ANKRD28: variants seen among roughly 807,000 people sequenced by gnomAD.
ANKRD28 encodes serine/threonine-protein phosphatase 6 regulatory ankyrin repeat subunit A.
Under a neutral mutation model 126.5 loss-of-function variants are expected in ANKRD28, and 44 were observed. The ratio of observed to expected loss-of-function variants is 0.35; its 90% confidence interval spans 0.27 to 0.45. The LOEUF (loss-of-function observed/expected upper bound fraction) is 0.45, where lower values mean the gene tolerates loss of function less well. Among genes scored for constraint, ANKRD28 ranks in the 20% least tolerant of loss-of-function variants. The pLI is 1.00. For synonymous variants in ANKRD28, 442 were observed against 468.5 expected, an observed-to-expected ratio of 0.94 and a Z score of 0.73; for missense variants, 1,110 against 1,316.6, an observed-to-expected ratio of 0.84 and a Z score of 2.43.
At chr3:15,775,775 A>G (rs915655037) in intron 2 of ANKRD28, among the ~76,000 whole-genome samples, 3 of 152,198 alleles carry the variant, frequency 2.0e-5, no homozygotes, top group Admixed American at 6.5e-5. Flanking sequence ...ACCCTCCAGG[A>G]ACTGCCACAT....
intron 7 of ANKRD28, among the ~76,000 whole-genome samples, chr3:15,723,501 A>G (rs2073934046): frequency 6.6e-6 from 1 of 152,220 alleles, no homozygotes. Flanking sequence ...AAGAATAAAT[A>G]CGCTGAGTGG....
intron 8 of ANKRD28, among the ~76,000 whole-genome samples, chr3:15,718,062 T>C (rs879372466): frequency 6.6e-6 from 1 of 152,104 alleles, no homozygotes; most frequent in Non-Finnish European, 1.5e-5. Flanking sequence ...CCATAGTCAA[T>C]CAATAACTTA....
At chr3:15,822,386 A>G (rs1206950733) in intron 1 of ANKRD28, among the ~76,000 whole-genome samples, 2 of 152,240 alleles carry the variant, frequency 1.3e-5, no homozygotes, top group Non-Finnish European at 2.9e-5. Context: ...AATTCAGTGG[A>G]CAAACACAAT....
intron 27 of ANKRD28, among the ~76,000 whole-genome samples, chr3:15,674,433 C>T (rs937020336): frequency 3.9e-5 from 6 of 152,054 alleles, no homozygotes; most frequent in South Asian, 2.1e-4. Context: ...ATGGAGAGAG[C>T]ATGATGCTGT....
At chr3:15,696,584 G>A (rs994448080) in intron 14 of ANKRD28, among the ~76,000 whole-genome samples, 4 of 151,950 alleles carry the variant, frequency 2.6e-5, no homozygotes, top group East Asian at 1.9e-4. Flanking sequence ...TAAACTTTTC[G>A]TGGTGGTGAG....
At chr3:15,762,623 T>G (rs2058548113) in intron 3 of ANKRD28, among the ~76,000 whole-genome samples, 1 of 152,160 alleles carries the variant, frequency 6.6e-6, no homozygotes, top group Non-Finnish European at 1.5e-5. Flanking sequence ...TTTCAGAACG[T>G]AATAACTGGA....
At chr3:15,808,820 G>T (rs183770625) in intron 1 of ANKRD28, among the ~76,000 whole-genome samples, 120 of 152,230 alleles carry the variant, frequency 7.9e-4, no homozygotes, top group African/African-American at 2.8e-3. Flanking sequence ...CCAATCAAAT[G>T]AAATTGCTCC....
At chr3:15,695,539 C>G (rs559355870) in intron 15 of ANKRD28, among the ~76,000 whole-genome samples, 2 of 152,206 alleles carry the variant, frequency 1.3e-5, no homozygotes, top group South Asian at 4.1e-4. Flanking sequence ...TGAAGGGAAG[C>G]AAAGTTTAAT....
Position 15,814,149 on chromosome 3 carries a change from G to A in ANKRD28, c.28-18843C>T, listed in dbSNP as rs779964342. On this transcript the variant is annotated intron_variant, in intron 1 of 27. Coordinates refer to the ANKRD28 transcript ENST00000399451. The surrounding 1 kb of genome is among the most constrained non-coding windows in gnomAD (Gnocchi z 4.7). ...TACTCACATACAGTTATGTATGAAA[G>A]CTAAGTTACAAGGAGGCTTAAACAG... 5 of 590,658 alleles carry A rather than the reference G, an allele frequency of 8.5e-6. No homozygotes were observed. The highest frequency in any genetic ancestry group is 1.2e-5 in the Non-Finnish European group (5 of 434,000). 36.6% of individuals were successfully genotyped at this position (590,658 alleles called of 1,614,324 possible). A position where few individuals can be genotyped will look rare whatever the true frequency, so the allele number is the denominator to read the frequency against.
rs2061368006 is a variant in ANKRD28, at chr3:15,838,612, G to T, written c.27+20765C>A. 6.6e-6 allele frequency among the ~76,000 whole-genome samples: 1 copy of T among 152,070 alleles called. No homozygotes were observed. Among genetic ancestry groups the T allele is most frequent in the African/African-American group, 2.4e-5 (1 of 41,390 alleles). On this transcript the variant is annotated intron_variant, in intron 1 of 27. Coordinates refer to the ANKRD28 transcript ENST00000399451. The surrounding 1 kb of genome is among the most constrained non-coding windows in gnomAD (Gnocchi z 4.0). The stretch of plus-strand genomic sequence containing the variant: ...AATACAAAAAACTTAGTCGGGCATG[G>T]TGGCACATGCCTGTAATCCCAGCTA...
chr3:15,842,943 C>A (rs1188542307), intron 1 of ANKRD28, among the ~76,000 whole-genome samples: 1 of 152,180 alleles, frequency 6.6e-6, no homozygotes, highest in African/African-American at 2.4e-5. Context: ...CGGACAGAAA[C>A]AAGCCTTGTT....
Position 15,675,944 on chromosome 3 carries a change from C to T in ANKRD28, c.2919G>A (p.Gln973=). 1.2e-6 allele frequency: 2 copies of T among 1,613,116 alleles called. No homozygotes were observed. Among genetic ancestry groups the T allele is most frequent in the Non-Finnish European group, 1.7e-6 (2 of 1,179,326 alleles). ...CACTTGCTCCTTTTCCCAAAAGTTCCTGAACCACCATTGTTAGCCCATTTC... is the reference window on the plus strand; with the variant it reads ...CACTTGCTCCTTTTCCCAAAAGTTCTTGAACCACCATTGTTAGCCCATTTC... ...AARNGLTMVV[Q]ELLGKGASVL... is the part of the protein sequence containing the mutation. The change falls in exon 27 of 28, where the codon CAG becomes CAA. Residue 973 remains glutamine, a synonymous_variant. Coordinates refer to ENST00000683139, the MANE Select transcript of ANKRD28 (RefSeq NM_001349278.2).
In ANKRD28 at chr3:15,678,157, C is replaced by A. The variant is rs1255698165; in HGVS notation, c.2707+52G>T. The A allele has an allele frequency of 1.1e-5, 17 of 1,517,624 alleles. No individual in the cohort carries two copies. In the South Asian group the frequency reaches 1.9e-4, roughly 17 times the overall value. 94.0% of individuals were successfully genotyped at this position (1,517,624 alleles called of 1,614,324 possible). A position where few individuals can be genotyped will look rare whatever the true frequency, so the allele number is the denominator to read the frequency against. On this transcript the variant is annotated intron_variant, in intron 24 of 27. Coordinates refer to ENST00000683139, the MANE Select transcript of ANKRD28 (RefSeq NM_001349278.2). ...CAGAAGTCTTGGGATCTAAGTTATA[C>A]ATAAGTGATACACATACTTAGGAAA... is the stretch of plus-strand genomic sequence containing the variant.
chr3:15,853,465 G>A lies in ANKRD28; in HGVS notation c.27+5912C>T, dbSNP rs1027598863. Among the ~76,000 whole-genome samples, 1 of 151,124 alleles carries A rather than the reference G, an allele frequency of 6.6e-6. No individual in the cohort carries two copies. The highest frequency in any genetic ancestry group is 6.6e-5 in the Admixed American group (1 of 15,174). Reference sequence around the variant, plus strand: ...TAACTACCATAATCAATGTTTTATGGTTTTTTTTGTTTTTTTGTTTTTGAG... The same window carrying A: ...TAACTACCATAATCAATGTTTTATGATTTTTTTTGTTTTTTTGTTTTTGAG... On this transcript the variant is annotated intron_variant, in intron 1 of 27. Coordinates refer to the ANKRD28 transcript ENST00000399451. This position sits in a 1 kb window ranked among gnomAD's most constrained non-coding sequence, Gnocchi z 4.2.
rs2060281432 is a variant in ANKRD28, at chr3:15,796,517, C to T, written c.5G>A (p.Ser2Asn). 17 of 1,282,760 alleles carry T rather than the reference C, an allele frequency of 1.3e-5. No individual in the cohort carries two copies. Among genetic ancestry groups the T allele is most frequent in the Non-Finnish European group, 1.7e-5 (17 of 985,166 alleles). 79.5% of individuals were successfully genotyped at this position (1,282,760 alleles called of 1,614,324 possible). Residue 2 changes from serine (S) to asparagine (N), a missense_variant, in exon 1 of 28, where the codon AGT (serine) becomes AAT (asparagine). Coordinates refer to ENST00000683139, the MANE Select transcript of ANKRD28 (RefSeq NM_001349278.2). The part of the protein sequence containing the change: M[S>N]RVCIVVLEEV... The stretch of plus-strand genomic sequence containing the variant: ...CTCCAAAACAACAATACACACTCGA[C>T]TCATTCGATCTTTTAAAACACTAAA...
chr3:15,760,881 T>C lies in ANKRD28; in HGVS notation c.280+5353A>G, dbSNP rs550376539. Among the ~76,000 whole-genome samples the C allele has an allele frequency of 1.4e-4, 22 of 152,310 alleles. 1 individual carries two copies. Among genetic ancestry groups the C allele is most frequent in the African/African-American group, 4.3e-4 (18 of 41,568 alleles). ...ATTCCACTCCAAACAGAACTCTCCATTGGTTTTCCACATCACTTAAAGGGC... is the reference window on the plus strand; with the variant it reads ...ATTCCACTCCAAACAGAACTCTCCACTGGTTTTCCACATCACTTAAAGGGC... On this transcript the variant is annotated intron_variant, in intron 3 of 27. Coordinates refer to ENST00000683139, the MANE Select transcript of ANKRD28 (RefSeq NM_001349278.2).
At chr3:15,698,877 T>C (rs1465714158) in intron 14 of ANKRD28, among the ~76,000 whole-genome samples, 2 of 152,082 alleles carry the variant, frequency 1.3e-5, no homozygotes, top group African/African-American at 4.8e-5. Flanking sequence ...CTTCACAGAA[T>C]TGGAAAAAAC....
intron 21 of ANKRD28, chr3:15,684,959 A>AC (rs2067941945): frequency 2.5e-6 from 1 of 402,866 alleles, no homozygotes; most frequent in South Asian, 2.6e-5. Context: ...TCCTACCAAA[A>AC]CTAAAAAAGA....
chr3:15,850,953 C>T (rs948181444), intron 1 of ANKRD28, among the ~76,000 whole-genome samples: 1 of 152,116 alleles, frequency 6.6e-6, no homozygotes, highest in African/African-American at 2.4e-5. Context: ...ACAATATCTA[C>T]AGGTAGACAG....
Sources: allele counts gnomAD v4.1 joint callset (sites outside exome capture counted in the v4.1 genomes callset), GRCh38; gene constraint gnomAD v4.1.1; non-coding constraint Gnocchi (gnomAD v3.1); transcripts MANE v1.5; gene names NCBI Gene and HGNC (gene_info 2026-07-23, HGNC 2026-07-21).